The following HGFAC variants were observed in gnomAD, a reference collection of about 807,000 sequenced individuals.
HGFAC encodes HGF activator, also known as hepatocyte growth factor activator serine protease.
A neutral mutation model predicts 70.6 loss-of-function variants in HGFAC; 76 were observed. The observed-to-expected ratio is 1.08, with a 90% confidence interval of 0.89 to 1.30. The LOEUF (loss-of-function observed/expected upper bound fraction) is 1.30. Ranked by LOEUF, HGFAC falls within the 50% of genes most tolerant of loss-of-function variation. The pLI, the probability that HGFAC is intolerant of heterozygous loss-of-function variation, is 0.00. For missense variants in HGFAC, 1,044 were observed against 933.7 expected, an observed-to-expected ratio of 1.12 and a Z score of -1.54; for synonymous variants, 464 against 405.3, an observed-to-expected ratio of 1.14 and a Z score of -1.74.
At chr4:3,446,421 C>A in intron 10 of HGFAC, 127 bp downstream of exon 10, 2 of 1,214,420 alleles carry the variant, frequency 1.6e-6, no homozygotes, top group Non-Finnish European at 2.3e-6. Context: ...TCCCGGGGTC[C>A]CCGGTAACCC....
intron 5 of HGFAC, 74 bp downstream of exon 5, chr4:3,444,235 C>T: frequency 1.3e-6 from 2 of 1,560,934 alleles, no homozygotes; most frequent in Non-Finnish European, 8.7e-7. Context: ...GAACAGGTGG[C>T]TCCCGAGTGC....
intron 13 of HGFAC, among the ~76,000 whole-genome samples, chr4:3,448,570 G>C (rs888782048): frequency 2.1e-4 from 32 of 152,360 alleles, no homozygotes; most frequent in African/African-American, 7.5e-4. Flanking sequence ...CCAAGGCAGT[G>C]CTTTCCGTGT....
intron 9 of HGFAC, chr4:3,445,554 TGGTCACCAGGCG>T (rs1170576152): frequency 5.1e-5 from 31 of 610,642 alleles, no homozygotes; most frequent in Non-Finnish European, 8.8e-5. Context: ...TGCAGGGGGC[TGGTCACCAGGCG>T]ACGGCCTCGG....
chr4:3,443,544 T>G, intron 4 of HGFAC, 124 bp downstream of exon 4: 1 of 566,870 alleles, frequency 1.8e-6, no homozygotes. Context: ...AGAGGAGCTC[T>G]GGGATTAACC....
chr4:3,442,959 C>T lies in HGFAC; in HGVS notation c.298+47C>T, dbSNP rs773263561. The stretch of plus-strand genomic sequence containing the variant: ...GGAGGTGTCGTGCTTCACCTTAGGG[C>T]TGGGTGGGAGGAGCATGGCTGCGGC... On this transcript the variant is annotated intron_variant, in intron 2 of 13. Transcript: ENST00000382774. 3.9e-6 allele frequency: 6 copies of T among 1,554,922 alleles called. No homozygotes were observed. The Admixed American group carries it at 9.7e-5, about 25-fold the overall frequency.
Position 3,443,015 on chromosome 4 carries a change from G to C in HGFAC, c.299-35G>C, listed in dbSNP as rs373619888. On this transcript the variant is annotated intron_variant, in intron 2 of 13. Transcript: ENST00000382774. ...GTCCTGAGGGGCTCGGGTGCCCCTC[G>C]AGGGAGCCCTGACCCTGCCACCCCC... The C allele has an allele frequency of 9.0e-6, 14 of 1,553,650 alleles. No individual in the cohort carries two copies. In the African/African-American group the frequency reaches 1.8e-4, roughly 20 times the overall value.
chr4:3,442,867 C>G lies in HGFAC; in HGVS notation c.253C>G (p.Pro85Ala). ...AEGPQSGGLPPPPRAVPSSSS... is the reference protein window; with the variant it reads ...AEGPQSGGLPAPPRAVPSSSS... ...GGGACCCCAAAGTGGGGGGCTCCCG[C>G]CCCCGCCCAGGGCAGTTCCCTCGAG... The change falls in exon 2 of 14, where the codon CCC becomes GCC. Residue 85 changes from proline (P) to alanine (A), a missense_variant. Transcript: ENST00000382774. The G allele has an allele frequency of 6.4e-7, 1 of 1,572,124 alleles. No individual in the cohort carries two copies. Among genetic ancestry groups the G allele is most frequent in the Admixed American group, 2.0e-5 (1 of 49,438 alleles).
Position 3,443,373 on chromosome 4 carries a change from G to A in HGFAC, c.428G>A (p.Arg143Lys). The change falls in exon 4 of 14, where the codon AGG (arginine) becomes AAG (lysine). Residue 143 changes from arginine to lysine, a missense_variant. Arg to Lys is a conservative substitution (Grantham distance 26, BLOSUM62 2). Coordinates refer to ENST00000382774, the MANE Select transcript of HGFAC (RefSeq NM_001528.4). The stretch of plus-strand genomic sequence containing the variant: ...ACAACTCACAACTACGACCGGGACA[G>A]GGCCTGGGGCTACTGTGTGGAGGCC... ...CATTHNYDRD[R>K]AWGYCVEATP... 1 of 1,534,464 alleles carries A rather than the reference G, an allele frequency of 6.5e-7. No individual in the cohort carries two copies. Among genetic ancestry groups the A allele is most frequent in the South Asian group, 1.2e-5 (1 of 81,742 alleles).
chr4:3,443,717 G>C (rs527859156), intron 4 of HGFAC, among the ~76,000 whole-genome samples: 1 of 152,266 alleles, frequency 6.6e-6, no homozygotes, highest in East Asian at 1.9e-4. Flanking sequence ...AGGGTCTGTG[G>C]GGTGCGGTGC....
intron 9 of HGFAC, chr4:3,445,649 G>C: frequency 3.3e-6 from 2 of 602,522 alleles, no homozygotes; most frequent in Non-Finnish European, 5.9e-6. Context: ...AGGGAGGGCA[G>C]CGTGCAGGCC....
chr4:3,449,305 G>T lies in HGFAC; in HGVS notation c.1854G>T (p.Trp618Cys). The T allele has an allele frequency of 6.2e-7, 1 of 1,612,446 alleles. No homozygotes were observed. Among genetic ancestry groups the T allele is most frequent in the Non-Finnish European group, 8.5e-7 (1 of 1,179,638 alleles). Residue 618 changes from tryptophan (W) to cysteine (C), a missense_variant, in exon 14 of 14, where the codon TGG (tryptophan) becomes TGT (cysteine). By Grantham distance (215) the Trp-to-Cys change is radical. Coordinates refer to ENST00000382774, the MANE Select transcript of HGFAC (RefSeq NM_001528.4). ...GVAYLYGIIS[W>C]GDGCGRLHKP... ...CTTACCTCTACGGCATCATCAGCTG[G>T]GGTGACGGCTGCGGGCGGCTCCACA... is the stretch of plus-strand genomic sequence containing the variant.
rs756767787 is a variant in HGFAC at position 3,444,805 on chromosome 4, C to T, written c.842-14C>T. ...ACCCACCGTGGGCCGGCCTCACTGC[C>T]CCTCTGCCCGCAGAGCCTGATGAGC... On this transcript the variant is annotated splice_polypyrimidine_tract_variant and intron_variant, in intron 7 of 13. Transcript: ENST00000382774. 3.8e-6 allele frequency: 6 copies of T among 1,586,186 alleles called. No homozygotes were observed. The highest frequency in any genetic ancestry group is 2.3e-5 in the East Asian group (1 of 44,228).
In HGFAC at chr4:3,442,074, C is replaced by G. The variant is rs765472056; in HGVS notation, c.73C>G (p.Leu25Val). The G allele has an allele frequency of 1.7e-5, 27 of 1,554,544 alleles. No homozygotes were observed. Among genetic ancestry groups the G allele is most frequent in the Non-Finnish European group, 2.2e-5 (26 of 1,162,376 alleles). ...GGGCCCCTTCCTCCTCCTCCTCCTG[C>G]TGCTGCTGCTGCTGCCACGGGGGTT... is the stretch of plus-strand genomic sequence containing the variant. ...GLGPFLLLLL[L>V]LLLLPRGFQP... The change falls in exon 1 of 14, where the codon CTG (leucine) becomes GTG (valine). Residue 25 changes from leucine to valine, a missense_variant. Physicochemically the swap from Leu to Val is conservative, Grantham distance 32. Transcript: ENST00000382774.
chr4:3,449,173 G>C, intron 13 of HGFAC, 64 bp from the exon 14 acceptor site: 1 of 1,476,326 alleles, frequency 6.8e-7, no homozygotes, highest in Non-Finnish European at 9.3e-7. Flanking sequence ...CTGCCACTTG[G>C]GGGAGAGGGG....
At chr4:3,448,468 G>A (rs948795771) in intron 13 of HGFAC, among the ~76,000 whole-genome samples, 192 bp downstream of exon 13, 10 of 152,154 alleles carry the variant, frequency 6.6e-5, no homozygotes, top group African/African-American at 1.7e-4. Flanking sequence ...GAGCCCTGCC[G>A]GAAGGGCATC....
Position 3,442,915 on chromosome 4 carries a change from G to T in HGFAC, c.298+3G>T. On this transcript the variant is annotated splice_donor_region_variant and intron_variant, in intron 2 of 13. Transcript: ENST00000382774. ...GAGCAGTAGCCCCCAGGCCCAAGGT[G>T]GGTCAGGTGGGCCTGGGAGGAGGTG... The T allele has an allele frequency of 1.3e-6, 2 of 1,562,220 alleles. No individual in the cohort carries two copies. Among genetic ancestry groups the T allele is most frequent in the Non-Finnish European group, 1.7e-6 (2 of 1,155,198 alleles).
At position 3,446,216 on chromosome 4, in the gene HGFAC, A is replaced by T. The variant is rs925853761; in HGVS notation, c.1277A>T (p.Tyr426Phe). ...PGSHPWLAAI[Y>F]IGDSFCAGSL... is the part of the protein sequence containing the mutation. The stretch of plus-strand genomic sequence containing the variant: ...TCGCACCCCTGGCTGGCCGCCATCT[A>T]CATCGGGGACAGCTTCTGCGCCGGG... The change falls in exon 10 of 14, where the codon TAC (tyrosine) becomes TTC (phenylalanine). Residue 426 changes from tyrosine to phenylalanine, a missense_variant. Transcript: ENST00000382774. 1.9e-6 allele frequency: 3 copies of T among 1,611,068 alleles called. No individual in the cohort carries two copies. Among genetic ancestry groups the T allele is most frequent in the Non-Finnish European group, 2.5e-6 (3 of 1,179,518 alleles).
At chr4:3,443,935 G>T in intron 4 of HGFAC, 104 bp from the exon 5 acceptor site, 1 of 1,293,438 alleles carries the variant, frequency 7.7e-7, no homozygotes, top group Non-Finnish European at 1.1e-6. Context: ...TGCTCTCAGA[G>T]CCCCTCACTG....
At chr4:3,449,212 G>A in intron 13 of HGFAC, 25 bp from the exon 14 acceptor site, 2 of 1,600,858 alleles carry the variant, frequency 1.2e-6, no homozygotes, top group Non-Finnish European at 1.7e-6. Context: ...CTGGGAGGGT[G>A]GCTCTGACCA....
Sources: allele counts gnomAD v4.1 joint callset (sites outside exome capture counted in the v4.1 genomes callset), GRCh38; gene constraint gnomAD v4.1.1; transcripts MANE v1.5; gene names NCBI Gene and HGNC (gene_info 2026-07-23, HGNC 2026-07-21).